The following CTDSPL2 variants were observed in gnomAD, a reference collection of about 807,000 sequenced individuals.
CTDSPL2 encodes the protein CTD small phosphatase-like protein 2.
CTDSPL2 carries 5 observed loss-of-function variants against 60.0 expected under a neutral mutation model. The observed-to-expected ratio is 0.08, with a 90% CI of 0.04 to 0.18. CTDSPL2 has a LOEUF of 0.18. Ranked by LOEUF, CTDSPL2 falls within the 10% of genes least tolerant of loss-of-function variation. The pLI is 1.00. For synonymous variants in CTDSPL2, 186 were observed against 189.3 expected, an observed-to-expected ratio of 0.98 and a Z score of 0.14; for missense variants, 370 against 548.8, an observed-to-expected ratio of 0.67 and a Z score of 3.26.
chr15:44,519,889 C>CT (rs2081731286), intron 11 of CTDSPL2: 1 of 152,888 alleles, frequency 6.5e-6, no homozygotes, highest in Non-Finnish European at 1.5e-5. Flanking sequence ...ATTCTCCTGC[C>CT]TCAACCTCCC....
At chr15:44,490,670 T>C (rs2081198382) in intron 4 of CTDSPL2, 114 bp from the exon 5 acceptor site, 2 of 755,528 alleles carry the variant, frequency 2.6e-6, no homozygotes, top group Non-Finnish European at 4.5e-6. Context: ...TACTCAGCTT[T>C]GTTCCTGCAG....
intron 1 of CTDSPL2, among the ~76,000 whole-genome samples, chr15:44,435,408 A>T: frequency 6.6e-6 from 1 of 151,854 alleles, no homozygotes; most frequent in Non-Finnish European, 1.5e-5. Context: ...CGTCTCTACC[A>T]AAAATACAAA....
At chr15:44,521,264 G>A (rs367998345) in intron 11 of CTDSPL2, 47 bp from the exon 12 acceptor site, 3 of 944,950 alleles carry the variant, frequency 3.2e-6, no homozygotes, top group Non-Finnish European at 4.9e-6. Flanking sequence ...TCCAAACTAG[G>A]TAAAATATAA....
At chr15:44,520,627 T>A (rs964431132) in intron 11 of CTDSPL2, 1 of 152,238 alleles carries the variant, frequency 6.6e-6, no homozygotes, top group Non-Finnish European at 1.5e-5. Context: ...TTACTTTTAT[T>A]TGTTTACATT....
intron 1 of CTDSPL2, among the ~76,000 whole-genome samples, chr15:44,453,399 A>G (rs1034582590): frequency 6.6e-6 from 1 of 152,128 alleles, no homozygotes; most frequent in African/African-American, 2.4e-5. Context: ...TGAGATGATC[A>G]TGTGGATTTT....
In CTDSPL2 at chr15:44,523,439, CATACAT is replaced by C. The variant is rs879662103; in HGVS notation, c.1336-668_1336-663del. On this transcript the variant is annotated intron_variant, in intron 12 of 12. Coordinates refer to ENST00000260327, the MANE Select transcript of CTDSPL2 (RefSeq NM_016396.3). The stretch of plus-strand genomic sequence containing the variant: ...ACATACATACATACATACATACATA[CATACAT>C]AAGCAAGCAAGCTTGCTGGGCATTG... 6.3e-3 allele frequency among the ~76,000 whole-genome samples: 838 copies of C among 133,022 alleles called. 8 individuals carry two copies. Among genetic ancestry groups the C allele is most frequent in the Non-Finnish European group, 9.7e-3 (569 of 58,922 alleles). The allele number at this position is 133,022 out of a possible 152,430, so 87.3% of individuals were successfully genotyped here. A position where few individuals can be genotyped will look rare whatever the true frequency, so the allele number is the denominator to read the frequency against.
intron 4 of CTDSPL2, 59 bp downstream of exon 4, chr15:44,486,759 T>TG: frequency 5.4e-6 from 2 of 368,272 alleles, no homozygotes; most frequent in Non-Finnish European, 8.0e-6. Flanking sequence ...ATAGTTTGGG[T>TG]TTTTTTTTTT....
chr15:44,518,061 G>GTTTTTATTTGTGTGTGTATATGTAGA (rs1432335835), intron 10 of CTDSPL2, among the ~76,000 whole-genome samples: 1 of 152,120 alleles, frequency 6.6e-6, no homozygotes, highest in Admixed American at 6.6e-5. Flanking sequence ...TTAAGGTTGA[G>GTTTTTATTTGTGTGTGTATATGTAGA]TTTTTATTTG....
At chr15:44,463,759 C>G (rs1030239648) in intron 2 of CTDSPL2, among the ~76,000 whole-genome samples, 4 of 152,108 alleles carry the variant, frequency 2.6e-5, no homozygotes, top group Admixed American at 1.3e-4. Context: ...TCTAAAATTG[C>G]GTTGAGTGTC....
chr15:44,427,818 C>G, intron 1 of CTDSPL2, 46 bp downstream of exon 1: 1 of 397,848 alleles, frequency 2.5e-6, no homozygotes, highest in Non-Finnish European at 4.4e-6. Context: ...AATCTCAGTC[C>G]TCCTCCTCTT....
At chr15:44,460,001 C>A (rs2080532009) in intron 2 of CTDSPL2, among the ~76,000 whole-genome samples, 1 of 152,162 alleles carries the variant, frequency 6.6e-6, no homozygotes, top group African/African-American at 2.4e-5. Context: ...ACCCCCCAAG[C>A]CTCAGGAAGA....
At chr15:44,506,424 T>C (rs991769253) in intron 8 of CTDSPL2, among the ~76,000 whole-genome samples, 3 of 148,588 alleles carry the variant, frequency 2.0e-5, no homozygotes, top group Non-Finnish European at 3.0e-5. Flanking sequence ...TTTTTTTTTT[T>C]TTTTTTTTTG....
chr15:44,471,676 C>T (rs942947562), intron 2 of CTDSPL2, among the ~76,000 whole-genome samples: 2 of 152,096 alleles, frequency 1.3e-5, no homozygotes, highest in African/African-American at 4.8e-5. Context: ...AGTATAAATT[C>T]AGTAGCTTTT....
In CTDSPL2 at chr15:44,499,576, C is replaced by G. The variant is rs190155100; in HGVS notation, c.883-151C>G. On this transcript the variant is annotated intron_variant, in intron 7 of 12. Transcript: ENST00000260327. ...CTAGTGACTTTAGAAACTCCTACCC[C>G]AAATTGCTGTGCCACATATAGTAAT... The G allele has an allele frequency of 8.6e-5, 36 of 420,902 alleles. 1 individual carries two copies. In the Admixed American group the frequency reaches 1.4e-3, roughly 17 times the overall value. The allele number at this position is 420,902 out of a possible 1,614,324, so 26.1% of individuals were successfully genotyped here.
intron 2 of CTDSPL2, among the ~76,000 whole-genome samples, chr15:44,473,397 G>A (rs1376484586): frequency 6.6e-6 from 1 of 152,086 alleles, no homozygotes; most frequent in East Asian, 1.9e-4. Context: ...CCGGGTTCAC[G>A]CCATTCTCCT....
intron 8 of CTDSPL2, among the ~76,000 whole-genome samples, chr15:44,500,203 A>G (rs1214945972): frequency 6.6e-6 from 1 of 152,158 alleles, no homozygotes; most frequent in East Asian, 1.9e-4. Context: ...TGATCATTTT[A>G]TTTCCTATAG....
At chr15:44,475,706 C>G (rs1376008717) in intron 2 of CTDSPL2, among the ~76,000 whole-genome samples, 1 of 151,078 alleles carries the variant, frequency 6.6e-6, no homozygotes, top group Non-Finnish European at 1.5e-5. Context: ...CCACTTTTTG[C>G]TTTTAAAGAA....
chr15:44,511,290 T>A (rs1366279525), intron 8 of CTDSPL2, among the ~76,000 whole-genome samples: 1 of 152,232 alleles, frequency 6.6e-6, no homozygotes, highest in East Asian at 1.9e-4. Context: ...AATGTCAAAT[T>A]TTAAGATGCA....
intron 1 of CTDSPL2, among the ~76,000 whole-genome samples, chr15:44,432,456 A>T (rs1202295688): frequency 6.7e-6 from 1 of 150,278 alleles, no homozygotes; most frequent in East Asian, 2.1e-4. Flanking sequence ...GGTAGCTAGG[A>T]TTATAGGCAC....
Sources: allele counts gnomAD v4.1 joint callset (sites outside exome capture counted in the v4.1 genomes callset), GRCh38; gene constraint gnomAD v4.1.1; transcripts MANE v1.5; gene names NCBI Gene and HGNC (gene_info 2026-07-23, HGNC 2026-07-21).